The following ACO2 variants were observed in gnomAD, a reference collection of about 807,000 sequenced individuals.
The protein encoded by ACO2 is aconitate hydratase, mitochondrial.
ACO2 carries 31 observed loss-of-function variants against 84.5 expected under a neutral mutation model. The observed-to-expected ratio is 0.37, with a 90% CI of 0.28 to 0.50. ACO2 has a LOEUF of 0.50. Ranked by LOEUF, ACO2 falls within the 20% of genes least tolerant of loss-of-function variation. ACO2 has a pLI of 0.97. For missense variants in ACO2, 685 were observed against 1,029.3 expected (o/e 0.67, Z 4.58); for synonymous variants, 414 against 412.7 (o/e 1.00, Z -0.04).
chr22:41,491,227 G>A (rs2066269480), intron 1 of ACO2, among the ~76,000 whole-genome samples: 1 of 152,036 alleles, frequency 6.6e-6, no homozygotes, highest in Non-Finnish European at 1.5e-5. Flanking sequence ...GGCCAAGGAG[G>A]TTCATCATGT....
chr22:41,478,753 CCACATAT>C (rs921993126), intron 1 of ACO2, among the ~76,000 whole-genome samples: 5 of 151,036 alleles, frequency 3.3e-5, no homozygotes, highest in African/African-American at 1.2e-4. Flanking sequence ...CCTGTCCCTG[CCACATAT>C]CTTCTTTTTT....
chr22:41,506,988 C>T (rs1392917032), intron 2 of ACO2, among the ~76,000 whole-genome samples: 1 of 151,700 alleles, frequency 6.6e-6, no homozygotes, highest in Non-Finnish European at 1.5e-5. Flanking sequence ...GTCTAGATGG[C>T]TGGGAGGCTT....
chr22:41,519,572 G>A (rs558575018), intron 8 of ACO2, among the ~76,000 whole-genome samples: 13 of 152,264 alleles, frequency 8.5e-5, no homozygotes, highest in African/African-American at 2.6e-4. Context: ...TTGGGAGGCC[G>A]AGGCGGGCAG....
chr22:41,492,901 G>A (rs547733643), intron 1 of ACO2, among the ~76,000 whole-genome samples: 2 of 152,228 alleles, frequency 1.3e-5, no homozygotes, highest in East Asian at 3.9e-4. Flanking sequence ...ACGAGATAGC[G>A]CCACTGTACT....
At chr22:41,485,106 A>G (rs539739897) in intron 1 of ACO2, among the ~76,000 whole-genome samples, 1 of 152,042 alleles carries the variant, frequency 6.6e-6, no homozygotes, top group African/African-American at 2.4e-5. Flanking sequence ...CAAACTGCCA[A>G]CCTCAGGTAA....
At chr22:41,501,610 A>G (rs2066354219) in intron 2 of ACO2, among the ~76,000 whole-genome samples, 1 of 152,158 alleles carries the variant, frequency 6.6e-6, no homozygotes, top group Non-Finnish European at 1.5e-5. Flanking sequence ...GGCTTCTTTG[A>G]TACTGACAGT....
chr22:41,486,944 C>T (rs1339755550), intron 1 of ACO2, among the ~76,000 whole-genome samples: 1 of 151,918 alleles, frequency 6.6e-6, no homozygotes, highest in African/African-American at 2.4e-5. Context: ...AGTGCAGTGG[C>T]GCCATCTCGG....
chr22:41,474,721 C>T (rs1022997546), intron 1 of ACO2, among the ~76,000 whole-genome samples: 2 of 151,254 alleles, frequency 1.3e-5, no homozygotes, highest in Non-Finnish European at 2.9e-5. Context: ...GCCTCAGCCT[C>T]CTGAGTAGCT....
chr22:41,487,803 A>G (rs2066241047), intron 1 of ACO2, among the ~76,000 whole-genome samples: 1 of 151,864 alleles, frequency 6.6e-6, no homozygotes, highest in Non-Finnish European at 1.5e-5. Flanking sequence ...TCCAGAACCA[A>G]ACTCCTGATC....
At chr22:41,502,347 G>A (rs555635237) in intron 2 of ACO2, among the ~76,000 whole-genome samples, 2 of 152,060 alleles carry the variant, frequency 1.3e-5, no homozygotes, top group African/African-American at 2.4e-5. Context: ...AGTCAGAACC[G>A]GCCATTTAAC....
At chr22:41,488,894 G>A (rs921682697) in intron 1 of ACO2, among the ~76,000 whole-genome samples, 3 of 152,208 alleles carry the variant, frequency 2.0e-5, no homozygotes, top group African/African-American at 7.2e-5. Context: ...GGCTATCTCA[G>A]AGTAACCTGG....
chr22:41,512,476 C>A lies in ACO2; in HGVS notation c.525+508C>A, dbSNP rs567366051. 1.3e-4 allele frequency among the ~76,000 whole-genome samples: 20 copies of A among 152,280 alleles called. No homozygotes were observed. In the South Asian group the frequency reaches 3.9e-3, roughly 30 times the overall value. ...GGCAGCTGAGGCACAGAGATGTTAA[C>A]CTTCTTGCCCAGGGACACCTAGCTG... is the stretch of plus-strand genomic sequence containing the variant. On this transcript the variant is annotated intron_variant, in intron 4 of 17. Coordinates refer to ENST00000216254, the MANE Select transcript of ACO2 (RefSeq NM_001098.3).
At chr22:41,518,069 T>C (rs1157077549) in intron 7 of ACO2, among the ~76,000 whole-genome samples, 1 of 152,208 alleles carries the variant, frequency 6.6e-6, no homozygotes, top group Non-Finnish European at 1.5e-5. Flanking sequence ...CTGGCTTCTT[T>C]GGAGCTCAGA....
At chr22:41,523,328 A>G in intron 11 of ACO2, 50 bp downstream of exon 11, 2 of 1,422,320 alleles carry the variant, frequency 1.4e-6, no homozygotes, top group South Asian at 2.5e-5. Context: ...CAGGGTACAG[A>G]GCCCCAGAAG....
intron 1 of ACO2, among the ~76,000 whole-genome samples, chr22:41,485,983 C>T (rs920919943): frequency 2.0e-5 from 3 of 152,086 alleles, no homozygotes; most frequent in African/African-American, 7.2e-5. Context: ...GTGTTCTCTT[C>T]ACCTGCCCTG....
chr22:41,528,268 C>G (rs1479480206), intron 17 of ACO2: 3 of 845,936 alleles, frequency 3.5e-6, no homozygotes, highest in South Asian at 1.8e-5. Context: ...CAGGGGACAG[C>G]CCACCCACTG....
Position 41,515,845 on chromosome 22 carries a change from C to T in ACO2, c.763C>T (p.Leu255Phe). The T allele has an allele frequency of 6.2e-7, 1 of 1,614,214 alleles. No homozygotes were observed. Among genetic ancestry groups the T allele is most frequent in the Non-Finnish European group, 8.5e-7 (1 of 1,180,042 alleles). The change falls in exon 6 of 18, where the codon CTC (leucine) becomes TTC (phenylalanine). Residue 255 changes from leucine to phenylalanine, a missense_variant. This residue lies in a region of ACO2 where 311 missense variants were observed against 441.6 expected (regional missense o/e 0.70). Transcript: ENST00000216254. The surrounding 1 kb of genome is among the most constrained non-coding windows in gnomAD (Gnocchi z 5.8). Reference sequence around the variant, plus strand: ...TGTGATCCTGAAGGTGGCAGGCATCCTCACGGTGAAAGGTGGCACAGGTGC... The same window carrying T: ...TGTGATCCTGAAGGTGGCAGGCATCTTCACGGTGAAAGGTGGCACAGGTGC... ...KDVILKVAGI[L>F]TVKGGTGAIV...
At chr22:41,518,895 G>A (rs908289235) in intron 8 of ACO2, among the ~76,000 whole-genome samples, 5 of 152,278 alleles carry the variant, frequency 3.3e-5, no homozygotes, top group South Asian at 2.1e-4. Context: ...GCAGTCAGCC[G>A]AGATCGCACC....
intron 1 of ACO2, among the ~76,000 whole-genome samples, chr22:41,497,465 C>T (rs983881725): frequency 4.6e-5 from 7 of 152,188 alleles, no homozygotes; most frequent in African/African-American, 7.2e-5. Context: ...AATACAGGCC[C>T]GGTACAGCGG....
Sources: allele counts gnomAD v4.1 joint callset (sites outside exome capture counted in the v4.1 genomes callset), GRCh38; gene constraint gnomAD v4.1.1; regional missense constraint gnomAD v4.1.1; non-coding constraint Gnocchi (gnomAD v3.1); transcripts MANE v1.5; gene names NCBI Gene and HGNC (gene_info 2026-07-23, HGNC 2026-07-21).